Variants in ACTN1 observed in about 807,000 individuals in gnomAD.
ACTN1 encodes the protein actinin alpha 1.
In ACTN1, 30 loss-of-function variants were observed where a neutral mutation model predicts 119.6. That is an observed-to-expected ratio of 0.25 (90% CI 0.19 to 0.34). The LOEUF is 0.34. ACTN1 is among the 10% of genes least tolerant of loss of function. ACTN1 has a pLI of 1.00. For synonymous variants in ACTN1, 429 were observed against 472.6 expected (o/e 0.91, Z 1.20); for missense variants, 764 against 1,223.4 (o/e 0.62, Z 5.60).
intron 1 of ACTN1, among the ~76,000 whole-genome samples, chr14:68,953,740 A>T (rs1169428785): frequency 1.3e-5 from 2 of 151,604 alleles, no homozygotes; most frequent in East Asian, 3.9e-4. Flanking sequence ...AAAAAAAATT[A>T]GCTAGGCGTG....
At chr14:68,916,325 C>T (rs2034292560) in intron 3 of ACTN1, among the ~76,000 whole-genome samples, 1 of 152,178 alleles carries the variant, frequency 6.6e-6, no homozygotes, top group Admixed American at 6.5e-5. Context: ...GATTTGCCCT[C>T]TTGGAGTCCT....
In ACTN1 at chr14:68,904,728, T is replaced by C; in HGVS notation, c.603A>G (p.Pro201=). The C allele has an allele frequency of 3.1e-6, 5 of 1,613,496 alleles. No homozygotes were observed. Among genetic ancestry groups the C allele is most frequent in the Non-Finnish European group, 4.2e-6 (5 of 1,179,522 alleles). Residue 201 remains proline (P), a synonymous_variant, in exon 7 of 22, where the codon CCA becomes CCG. Transcript: ENST00000394419. ...CAAAAGCCGTATTCAGATTTGTGAG[T>C]GGATCATCCTAGAGGGAGAAAAGGA... ...IDYGKLRKDD[P]LTNLNTAFDV...
At chr14:68,884,391 C>T in intron 13 of ACTN1, 83 bp from the exon 14 acceptor site, 1 of 1,491,432 alleles carries the variant, frequency 6.7e-7, no homozygotes, top group Non-Finnish European at 9.1e-7. Context: ...CCTGGTGAGC[C>T]CCAGGTCTAG....
intron 2 of ACTN1, among the ~76,000 whole-genome samples, chr14:68,924,829 T>G (rs2034838623): frequency 6.6e-6 from 1 of 152,178 alleles, no homozygotes; most frequent in African/African-American, 2.4e-5. Context: ...CCAGCTTGGG[T>G]GCAGAAGAAC....
At position 68,902,544 on chromosome 14, in the gene ACTN1, C is replaced by T. The variant is rs868325000; in HGVS notation, c.695G>A (p.Arg232Gln). 3.7e-6 allele frequency: 6 copies of T among 1,613,648 alleles called. No individual in the cohort carries two copies. Among genetic ancestry groups the T allele is most frequent in the Non-Finnish European group, 4.2e-6 (5 of 1,179,762 alleles). ...LDAEDIVGTARPDEKAIMTYV... is the reference protein window; with the variant it reads ...LDAEDIVGTAQPDEKAIMTYV... ...AGTCATGATGGCTTTCTCATCCGGT[C>T]GGGCAGTTCCAACGATGTCTGTCAA... Residue 232 changes from arginine (R) to glutamine (Q), a missense_variant, in exon 8 of 22, where the codon CGA becomes CAA. Coordinates refer to ENST00000394419, the MANE Select transcript of ACTN1 (RefSeq NM_001130004.2).
intron 1 of ACTN1, among the ~76,000 whole-genome samples, chr14:68,934,019 C>T (rs1425202991): frequency 6.6e-6 from 1 of 151,922 alleles, no homozygotes; most frequent in African/African-American, 2.4e-5. Context: ...ATGTAGACTC[C>T]CTCAGTTTTG....
At chr14:68,901,217 GT>G (rs369274446) in intron 8 of ACTN1, among the ~76,000 whole-genome samples, 24 of 121,778 alleles carry the variant, frequency 2.0e-4, no homozygotes, top group East Asian at 7.2e-4. Flanking sequence ...GTTTTTTTTT[GT>G]TTTTTTTTTG....
At chr14:68,977,835 C>T in intron 1 of ACTN1, 1 of 409,008 alleles carries the variant, frequency 2.4e-6, no homozygotes. Flanking sequence ...CCCAGATCAG[C>T]CTGGGGGTGG....
chr14:68,875,364 G>A (rs1342278231), intron 21 of ACTN1, among the ~76,000 whole-genome samples: 1 of 152,218 alleles, frequency 6.6e-6, no homozygotes, highest in Non-Finnish European at 1.5e-5. Flanking sequence ...CTGGTGGAGC[G>A]TATAGGTTCC....
intron 8 of ACTN1, among the ~76,000 whole-genome samples, chr14:68,898,967 ACAC>A (rs760488414): frequency 5.4e-5 from 8 of 147,652 alleles, no homozygotes; most frequent in African/African-American, 7.6e-5. Flanking sequence ...CCACACACAC[ACAC>A]CACACACGCC....
chr14:68,906,072 G>GGC (rs551911847), intron 6 of ACTN1, among the ~76,000 whole-genome samples: 9 of 151,348 alleles, frequency 5.9e-5, no homozygotes, highest in African/African-American at 2.2e-4. Flanking sequence ...CCAGAGGCCG[G>GGC]GGGGGCAGGA....
intron 1 of ACTN1, among the ~76,000 whole-genome samples, chr14:68,940,580 A>G (rs1168100751): frequency 6.6e-6 from 1 of 151,860 alleles, no homozygotes; most frequent in Non-Finnish European, 1.5e-5. Flanking sequence ...ATCTCACACC[A>G]GCAATCCCAG....
chr14:68,949,157 G>T (rs1056392639), intron 1 of ACTN1, among the ~76,000 whole-genome samples: 1 of 152,210 alleles, frequency 6.6e-6, no homozygotes, highest in Non-Finnish European at 1.5e-5. Context: ...GGAGAGCCTC[G>T]GAGAGAAAAA....
intron 1 of ACTN1, chr14:68,978,350 G>A (rs1594894628): frequency 7.8e-6 from 3 of 384,884 alleles, no homozygotes; most frequent in East Asian, 1.5e-4. Context: ...GGGAGCCCGC[G>A]TACGCCCCCC....
At chr14:68,955,341 C>A (rs751712256) in intron 1 of ACTN1, among the ~76,000 whole-genome samples, 1 of 152,172 alleles carries the variant, frequency 6.6e-6, no homozygotes, top group Non-Finnish European at 1.5e-5. Context: ...TGCTGGCAGA[C>A]CCCCAGGCTG....
In ACTN1 at chr14:68,878,654, A is replaced by G. The variant is rs1258862489; in HGVS notation, c.2362-131T>C. 2 of 1,549,382 alleles carry G rather than the reference A, an allele frequency of 1.3e-6. No individual in the cohort carries two copies. Among genetic ancestry groups the G allele is most frequent in the Non-Finnish European group, 1.7e-6 (2 of 1,149,368 alleles). ...GAGATTTATGGTTTTGGGGGTCAGGATAGGTAAAGGAACATAGGAGAAGAT... is the reference window on the plus strand; with the variant it reads ...GAGATTTATGGTTTTGGGGGTCAGGGTAGGTAAAGGAACATAGGAGAAGAT... On this transcript the variant is annotated intron_variant, in intron 19 of 21. Transcript: ENST00000394419. This position sits in a 1 kb window ranked among gnomAD's most constrained non-coding sequence, Gnocchi z 4.4.
intron 3 of ACTN1, among the ~76,000 whole-genome samples, chr14:68,919,877 A>C (rs187956188): frequency 3.5e-4 from 54 of 152,310 alleles, no homozygotes; most frequent in Middle Eastern, 3.4e-3. Flanking sequence ...CAAAAATCCA[A>C]ATCAGCCGGA....
At chr14:68,890,010 A>G in intron 11 of ACTN1, 129 bp downstream of exon 11, 1 of 1,398,564 alleles carries the variant, frequency 7.2e-7, no homozygotes, top group South Asian at 1.4e-5. Flanking sequence ...AACTTGCCTA[A>G]AGCCATGGAA....
At chr14:68,898,450 G>T (rs942682665) in intron 8 of ACTN1, among the ~76,000 whole-genome samples, 2 of 152,202 alleles carry the variant, frequency 1.3e-5, no homozygotes, top group Non-Finnish European at 2.9e-5. Context: ...CACATTAGGC[G>T]CTGTTGCCTT....
Sources: gnomAD v4.1 joint callset for allele counts (sites outside exome capture counted in the v4.1 genomes callset) on GRCh38, gnomAD v4.1.1 for gene constraint, Gnocchi (gnomAD v3.1) non-coding constraint, MANE v1.5 for transcripts, NCBI Gene and HGNC (gene_info 2026-07-23, HGNC 2026-07-21) for gene names.